Variants in MYPN observed in about 807,000 individuals in gnomAD.
MYPN encodes sarcomeric protein myopalladin, 145 kDa (MYOP).
Under a neutral mutation model 129.4 loss-of-function variants are expected in MYPN, and 63 were observed. The observed-to-expected ratio is 0.49, with a 90% confidence interval of 0.40 to 0.60. MYPN has a LOEUF of 0.60. MYPN is among the 20% of genes least tolerant of loss of function. MYPN has a pLI of 0.00. For synonymous variants in MYPN, 629 were observed against 600.9 expected, an observed-to-expected ratio of 1.05 and a Z score of -0.68; for missense variants, 1,596 against 1,635.4, an observed-to-expected ratio of 0.98 and a Z score of 0.42.
At position 68,206,848 on chromosome 10, in the gene MYPN, G is replaced by A; in HGVS notation, c.3738G>A (p.Leu1246=). 2 of 1,614,222 alleles carry A rather than the reference G, an allele frequency of 1.2e-6. No individual in the cohort carries two copies. Among genetic ancestry groups the A allele is most frequent in the Non-Finnish European group, 1.7e-6 (2 of 1,180,044 alleles). Residue 1246 remains leucine (L), a synonymous_variant, in exon 19 of 20, where the codon TTG becomes TTA. Coordinates refer to ENST00000358913, the MANE Select transcript of MYPN (RefSeq NM_032578.4). ...AATCAGACGCTGGATGGTACACGTT[G>A]TCAGCCAAGAATGAAGCCGGCATCG... ...AKKSDAGWYT[L]SAKNEAGIVS...
chr10:68,162,858 A>G (rs1193856291), intron 8 of MYPN, among the ~76,000 whole-genome samples: 4 of 152,146 alleles, frequency 2.6e-5, no homozygotes, highest in African/African-American at 4.8e-5. Flanking sequence ...AAGAGCGGAG[A>G]TCACTGGTTG....
At chr10:68,107,310 T>C (rs1404584046), upstream of MYPN, among the ~76,000 whole-genome samples, 1 of 151,552 alleles carries the variant, frequency 6.6e-6, no homozygotes, top group African/African-American at 2.4e-5. Context: ...GAAAGATGAC[T>C]GCCATTCAGA....
chr10:68,207,688 A>G (rs1410723991), intron 19 of MYPN, among the ~76,000 whole-genome samples: 2 of 152,230 alleles, frequency 1.3e-5, no homozygotes, highest in African/African-American at 2.4e-5. Context: ...TGACATTTGT[A>G]GGATGACACA....
intron 6 of MYPN, 38 bp from the exon 7 acceptor site, chr10:68,158,448 A>T: frequency 1.3e-6 from 2 of 1,595,754 alleles, no homozygotes; most frequent in Non-Finnish European, 1.7e-6. Flanking sequence ...AAAAATGTGT[A>T]CTTTTTTGTT....
rs879807023 is a variant in MYPN, at chr10:68,138,428, CT to C, written c.903-4499del. Among the ~76,000 whole-genome samples the C allele has an allele frequency of 5.0e-3, 713 of 142,396 alleles. 2 individuals are homozygous for C. Among genetic ancestry groups the C allele is most frequent in the Admixed American group, 5.3e-3 (75 of 14,140 alleles). 93.4% of individuals were successfully genotyped at this position (142,396 alleles called of 152,430 possible). ...CTTTTTCTTTCTTGTTTCTTTCTTTCTTTTTTTTTTTTTAATTGCAAGTGTG... is the reference window on the plus strand; with the variant it reads ...CTTTTTCTTTCTTGTTTCTTTCTTTCTTTTTTTTTTTTAATTGCAAGTGTG... On this transcript the variant is annotated intron_variant, in intron 2 of 19. Transcript: ENST00000358913.
At chr10:68,110,897 T>C (rs2042072577) in intron 1 of MYPN, among the ~76,000 whole-genome samples, 1 of 152,186 alleles carries the variant, frequency 6.6e-6, no homozygotes, top group Non-Finnish European at 1.5e-5. Context: ...GAGATAAAAT[T>C]ATAGGCCTTA....
At chr10:68,127,946 A>G (rs749733405) in intron 2 of MYPN, among the ~76,000 whole-genome samples, 2 of 152,200 alleles carry the variant, frequency 1.3e-5, no homozygotes, top group Non-Finnish European at 2.9e-5. Context: ...GCTCCTGTGT[A>G]TTATATAATC....
rs1374577911 is a variant in MYPN at position 68,210,885 on chromosome 10, C to T, written c.*430C>T. On this transcript the variant is annotated 3_prime_UTR_variant, in exon 20 of 20. Coordinates refer to ENST00000358913, the MANE Select transcript of MYPN (RefSeq NM_032578.4). ...AAACAATGCCAAGGAGAAAGGCGGA[C>T]AGGTCACCATCACCTTTCATCGATT... 8.8e-6 allele frequency: 4 copies of T among 455,678 alleles called. No homozygotes were observed. The highest frequency in any genetic ancestry group is 1.8e-5 in the Non-Finnish European group (4 of 227,726). 28.2% of individuals were successfully genotyped at this position (455,678 alleles called of 1,614,324 possible). A position where few individuals can be genotyped will look rare whatever the true frequency, so the allele number is the denominator to read the frequency against.
At position 68,181,773 on chromosome 10, in the gene MYPN, A is replaced by T. The variant is rs538268434; in HGVS notation, c.2703+6312A>T. 3.3e-4 allele frequency among the ~76,000 whole-genome samples: 50 copies of T among 151,316 alleles called. 2 individuals are homozygous for T. In the South Asian group the frequency reaches 0.01, roughly 32 times the overall value. On this transcript the variant is annotated intron_variant, in intron 12 of 19. Transcript: ENST00000358913. ...CAGCAAAAAGCCAAGCTTGCTCCTCACTCTTTAGATTTCTCAGGCAGGGGG... is the reference window on the plus strand; with the variant it reads ...CAGCAAAAAGCCAAGCTTGCTCCTCTCTCTTTAGATTTCTCAGGCAGGGGG...
At chr10:68,169,501 A>T (rs992954506) in intron 10 of MYPN, among the ~76,000 whole-genome samples, 1 of 152,180 alleles carries the variant, frequency 6.6e-6, no homozygotes, top group African/African-American at 2.4e-5. Flanking sequence ...AACCCAAACT[A>T]ACAGGGTTTA....
At chr10:68,182,221 T>TAACACATATATATATAACATATATATAA (rs1564686362) in intron 12 of MYPN, among the ~76,000 whole-genome samples, 8 of 141,100 alleles carry the variant, frequency 5.7e-5, no homozygotes, top group African/African-American at 1.9e-4. Flanking sequence ...TATATATATA[T>TAACACATATATATATAACATATATATAA]AACACATATA....
At chr10:68,199,710 G>C (rs779172446) in intron 17 of MYPN, 135 bp downstream of exon 17, 8 of 877,882 alleles carry the variant, frequency 9.1e-6, no homozygotes, top group Middle Eastern at 2.4e-4. Flanking sequence ...CTGTGGTAGG[G>C]GTGGTATTTC....
At position 68,166,523 on chromosome 10, in the gene MYPN, A is replaced by C. The variant is rs769460067; in HGVS notation, c.1830A>C (p.Glu610Asp). 2 of 1,614,052 alleles carry C rather than the reference A, an allele frequency of 1.2e-6. No individual in the cohort carries two copies. The highest frequency in any genetic ancestry group is 2.7e-5 in the African/African-American group (2 of 74,928). Residue 610 changes from glutamate to aspartate, a missense_variant, in exon 10 of 20, where the codon GAA becomes GAC. Transcript: ENST00000358913. Reference protein sequence around the residue: ...FNLPEDDKGSEASSEAGVVTT... With the variant: ...FNLPEDDKGSDASSEAGVVTT... Reference sequence around the variant, plus strand: ...TGCCTGAAGATGACAAAGGAAGTGAAGCATCCTCCGAGGCTGGTGTGGTGA... The same window carrying C: ...TGCCTGAAGATGACAAAGGAAGTGACGCATCCTCCGAGGCTGGTGTGGTGA...
At position 68,121,964 on chromosome 10, in the gene MYPN, C is replaced by T. The variant is rs773154410; in HGVS notation, c.526C>T (p.Arg176Cys). Reference protein sequence around the residue: ...KSHSSKRIRPRACKNHKSKLE... With the variant: ...KSHSSKRIRPCACKNHKSKLE... Reference sequence around the variant, plus strand: ...CCACAGCTCCAAAAGGATTAGACCTCGTGCCTGCAAAAACCACAAGAGTAA... The same window carrying T: ...CCACAGCTCCAAAAGGATTAGACCTTGTGCCTGCAAAAACCACAAGAGTAA... The change falls in exon 2 of 20, where the codon CGT becomes TGT. Residue 176 changes from arginine (R) to cysteine (C), a missense_variant. Transcript: ENST00000358913. 6 of 1,614,182 alleles carry T rather than the reference C, an allele frequency of 3.7e-6. No individual in the cohort carries two copies. The Admixed American group carries it at 6.7e-5, about 18-fold the overall frequency.
chr10:68,090,330 T>A (rs1313305791), intron 1 of MYPN, among the ~76,000 whole-genome samples: 1 of 152,052 alleles, frequency 6.6e-6, no homozygotes, highest in Non-Finnish European at 1.5e-5. Flanking sequence ...ATCCGGCTGA[T>A]TTTTTTGTAT....
intron 10 of MYPN, among the ~76,000 whole-genome samples, chr10:68,168,497 A>C (rs984590936): frequency 1.3e-5 from 2 of 152,224 alleles, no homozygotes; most frequent in Non-Finnish European, 2.9e-5. Flanking sequence ...TACAGTCTCC[A>C]GAGGTCCTGA....
At chr10:68,108,470 A>C (rs890097209), upstream of MYPN, among the ~76,000 whole-genome samples, 2 of 152,362 alleles carry the variant, frequency 1.3e-5, no homozygotes, top group East Asian at 3.9e-4. Flanking sequence ...GAAAATAATT[A>C]TCAAATGAAT....
Position 68,208,942 on chromosome 10 carries a change from G to A in MYPN, c.3794-1344G>A, listed in dbSNP as rs866656009. On this transcript the variant is annotated intron_variant, in intron 19 of 19. Transcript: ENST00000358913. ...TGGAGGGGCTGGGAGGAGAGACTGC[G>A]CAAGAGCAGGCCTTACTGAGTGTCT... is the stretch of plus-strand genomic sequence containing the variant. Among the ~76,000 whole-genome samples the A allele has an allele frequency of 2.0e-5, 3 of 152,194 alleles. No individual in the cohort carries two copies. In the South Asian group the frequency reaches 6.2e-4, roughly 32 times the overall value.
chr10:68,110,971 G>T (rs1210415137), intron 1 of MYPN, among the ~76,000 whole-genome samples: 1 of 152,130 alleles, frequency 6.6e-6, no homozygotes, highest in Non-Finnish European at 1.5e-5. Context: ...CTGGAAGTGT[G>T]TCTCTATCCC....
Sources: allele counts gnomAD v4.1 joint callset (sites outside exome capture counted in the v4.1 genomes callset), GRCh38; gene constraint gnomAD v4.1.1; transcripts MANE v1.5; gene names NCBI Gene and HGNC (gene_info 2026-07-23, HGNC 2026-07-21).